ABI3BP: variants seen among roughly 807,000 people sequenced by gnomAD.
The protein encoded by ABI3BP is target of Nesh-SH3.
A neutral mutation model predicts 268.6 loss-of-function variants in ABI3BP; 216 were observed. The observed-to-expected ratio is 0.80, with a 90% CI of 0.72 to 0.90. The LOEUF (loss-of-function observed/expected upper bound fraction) is 0.90, where lower values mean the gene tolerates loss of function less well. Ranked by LOEUF, ABI3BP falls within the 40% of genes least tolerant of loss-of-function variation. ABI3BP has a pLI of 0.00. For missense variants in ABI3BP, 2,090 were observed against 2,182.4 expected (o/e 0.96, Z 0.84); for synonymous variants, 730 against 730.0 (o/e 1.00, Z 0.00).
chr3:100,771,274 A>G (rs536702036), intron 61 of ABI3BP, among the ~76,000 whole-genome samples: 1 of 152,338 alleles, frequency 6.6e-6, no homozygotes, highest in East Asian at 1.9e-4. Context: ...AATTAGCTCT[A>G]TACTAAACAC....
intron 1 of ABI3BP, among the ~76,000 whole-genome samples, chr3:100,948,096 G>A (rs55687619): frequency 0.14 from 21,119 of 152,144 alleles, 1,551 homozygotes; most frequent in Middle Eastern, 0.2. Context: ...AGACAGTCTG[G>A]TGGGATATAA....
chr3:100,760,915 T>G (rs1319020100), intron 63 of ABI3BP, among the ~76,000 whole-genome samples: 9 of 152,202 alleles, frequency 5.9e-5, no homozygotes, highest in Middle Eastern at 3.4e-3. Context: ...TAGGGGTACA[T>G]GTGCAGGTTT....
chr3:100,789,324 C>T (rs1345590253), intron 56 of ABI3BP, 130 bp downstream of exon 56: 5 of 806,722 alleles, frequency 6.2e-6, no homozygotes, highest in Non-Finnish European at 9.7e-6. Context: ...CACTTATCCA[C>T]ACAGATCAGA....
chr3:100,892,655 T>C (rs1387258183), intron 4 of ABI3BP, among the ~76,000 whole-genome samples: 1 of 152,216 alleles, frequency 6.6e-6, no homozygotes, highest in Non-Finnish European at 1.5e-5. Context: ...AAAAGCAATT[T>C]CTGAGAGCTT....
chr3:100,888,987 C>A (rs962201402), intron 4 of ABI3BP, among the ~76,000 whole-genome samples: 9 of 151,864 alleles, frequency 5.9e-5, no homozygotes, highest in African/African-American at 2.2e-4. Context: ...ATATGTGGTG[C>A]TCTAAGGGTC....
At chr3:100,824,079 G>A (rs769158742) in intron 36 of ABI3BP, among the ~76,000 whole-genome samples, 4 of 152,170 alleles carry the variant, frequency 2.6e-5, no homozygotes, top group Non-Finnish European at 5.9e-5. Context: ...AATCGGTAGA[G>A]CATCTGTCTG....
At chr3:100,816,211 T>A in intron 43 of ABI3BP, 5 of 490,856 alleles carry the variant, frequency 1.0e-5, no homozygotes, top group Non-Finnish European at 1.8e-5. Flanking sequence ...ACATGAGGTT[T>A]TCCTAGGTAT....
intron 1 of ABI3BP, among the ~76,000 whole-genome samples, chr3:100,927,880 A>G (rs2062328278): frequency 6.6e-6 from 1 of 152,082 alleles, no homozygotes; most frequent in Non-Finnish European, 1.5e-5. Flanking sequence ...ACAAGTGCTT[A>G]CTAATACAGG....
rs1027895157 is a variant in ABI3BP at position 100,885,593 on chromosome 3, T to C, written c.644-5A>G. On this transcript the variant is annotated splice_region_variant and splice_polypyrimidine_tract_variant and intron_variant, in intron 5 of 67. Coordinates refer to ENST00000471714, the MANE Select transcript of ABI3BP (RefSeq NM_001375547.2). ...TTTTCCCATTTACTTTTTTACCTGA[T>C]GAAACAAGGGAAAAATAACATTATT... is the stretch of plus-strand genomic sequence containing the variant. 9.1e-6 allele frequency: 14 copies of C among 1,532,984 alleles called. No individual in the cohort carries two copies. Among genetic ancestry groups the C allele is most frequent in the African/African-American group, 2.7e-5 (2 of 73,176 alleles). The allele number at this position is 1,532,984 out of a possible 1,614,324, so 95.0% of individuals were successfully genotyped here.
At chr3:100,983,853 G>A (rs1363679231) in intron 1 of ABI3BP, among the ~76,000 whole-genome samples, 1 of 152,076 alleles carries the variant, frequency 6.6e-6, no homozygotes, top group African/African-American at 2.4e-5. Context: ...AAAACCAAAT[G>A]CTCATCTCAA....
chr3:100,884,483 T>C (rs1212492671), intron 6 of ABI3BP, among the ~76,000 whole-genome samples: 1 of 152,126 alleles, frequency 6.6e-6, no homozygotes, highest in Admixed American at 6.6e-5. Flanking sequence ...TTTTAGTCAG[T>C]TCTACTTTAT....
In ABI3BP at chr3:100,749,646, G is replaced by GCAATCT. The variant is rs1188738899; in HGVS notation, c.*843_*848dup. The GCAATCT allele has an allele frequency of 2.5e-6, 1 of 398,346 alleles. No individual in the cohort carries two copies. Among genetic ancestry groups the GCAATCT allele is most frequent in the African/African-American group, 2.1e-5 (1 of 48,586 alleles). The allele number at this position is 398,346 out of a possible 1,614,324, so 24.7% of individuals were successfully genotyped here. ...TAGTAAATATCCTATAAAATGGTAG[G>GCAATCT]CAATCTCATCGTGCATTATCTTTTT... is the stretch of plus-strand genomic sequence containing the variant. On this transcript the variant is annotated 3_prime_UTR_variant, in exon 68 of 68. Coordinates refer to ENST00000471714, the MANE Select transcript of ABI3BP (RefSeq NM_001375547.2).
intron 14 of ABI3BP, among the ~76,000 whole-genome samples, chr3:100,860,044 G>C (rs953789638): frequency 2.6e-5 from 4 of 152,158 alleles, no homozygotes; most frequent in African/African-American, 9.7e-5. Flanking sequence ...TCGCACTCCA[G>C]CCTGGGAGAC....
chr3:100,926,922 G>A (rs949674979), intron 1 of ABI3BP, among the ~76,000 whole-genome samples: 2 of 152,066 alleles, frequency 1.3e-5, no homozygotes, highest in Admixed American at 6.6e-5. Flanking sequence ...GAAACAGAGG[G>A]AAGAAAAAAG....
In ABI3BP at chr3:100,898,837, G is replaced by A. The variant is rs375237860; in HGVS notation, c.386C>T (p.Ser129Leu). 1.1e-5 allele frequency: 18 copies of A among 1,613,490 alleles called. No homozygotes were observed. Among genetic ancestry groups the A allele is most frequent in the Non-Finnish European group, 1.4e-5 (17 of 1,179,760 alleles). Residue 129 changes from serine to leucine, a missense_variant, in exon 4 of 68, where the codon TCG becomes TTG. Transcript: ENST00000471714. ...GAGGAAACCCCAGGACAGGAAGACC[G>A]AGCTCGGTGTCAGAGTGCCAACCAC... The part of the protein sequence containing the change: ...QLVVGTLTPS[S>L]VFLSWGFLIN...
Position 100,898,845 on chromosome 3 carries a change from T to G in ABI3BP, c.378A>C (p.Thr126=). The change falls in exon 4 of 68, where the codon ACA becomes ACC. Residue 126 remains threonine (T), a synonymous_variant. Transcript: ENST00000471714. ...KPLQLVVGTL[T]PSSVFLSWGF... Reference sequence around the variant, plus strand: ...CCCAGGACAGGAAGACCGAGCTCGGTGTCAGAGTGCCAACCACCAGCTGCA... The same window carrying G: ...CCCAGGACAGGAAGACCGAGCTCGGGGTCAGAGTGCCAACCACCAGCTGCA... 1 of 1,613,472 alleles carries G rather than the reference T, an allele frequency of 6.2e-7. No homozygotes were observed. The highest frequency in any genetic ancestry group is 8.5e-7 in the Non-Finnish European group (1 of 1,179,710).
At chr3:100,896,244 G>GC (rs1317402290) in intron 4 of ABI3BP, among the ~76,000 whole-genome samples, 1 of 152,138 alleles carries the variant, frequency 6.6e-6, no homozygotes, top group African/African-American at 2.4e-5. Context: ...GTGAGGGTGA[G>GC]ATCCATGCAT....
At chr3:100,797,387 C>T (rs2097376072) in intron 51 of ABI3BP, among the ~76,000 whole-genome samples, 1 of 151,868 alleles carries the variant, frequency 6.6e-6, no homozygotes, top group Admixed American at 6.6e-5. Flanking sequence ...TCAGTTTCCC[C>T]ACAAACCTAC....
chr3:100,841,007 C>T (rs2098687728), intron 21 of ABI3BP, 149 bp from the exon 22 acceptor site: 2 of 637,426 alleles, frequency 3.1e-6, no homozygotes, highest in Non-Finnish European at 5.1e-6. Flanking sequence ...AGTTTCTTTT[C>T]TACTTCAATA....
Sources: allele counts gnomAD v4.1 joint callset (sites outside exome capture counted in the v4.1 genomes callset), GRCh38; gene constraint gnomAD v4.1.1; transcripts MANE v1.5; gene names NCBI Gene and HGNC (gene_info 2026-07-23, HGNC 2026-07-21).